The following RDX variants were observed in gnomAD, a reference collection of about 807,000 sequenced individuals.
RDX encodes the protein deafness, autosomal recessive 24.
In RDX, 32 loss-of-function variants were observed where a neutral mutation model predicts 83.7. The ratio of observed to expected loss-of-function variants is 0.38; its 90% confidence interval spans 0.29 to 0.51. The LOEUF is 0.51. Ranked by LOEUF, RDX falls within the 20% of genes least tolerant of loss-of-function variation. The pLI, the probability that RDX is intolerant of heterozygous loss-of-function variation, is 0.87. For synonymous variants in RDX, 229 were observed against 222.7 expected (o/e 1.03, Z -0.25); for missense variants, 600 against 689.9 (o/e 0.87, Z 1.46).
At chr11:110,273,075 T>C in intron 2 of RDX, 1 of 456,122 alleles carries the variant, frequency 2.2e-6, no homozygotes, top group Non-Finnish European at 4.4e-6. Flanking sequence ...AAAAATTAGT[T>C]GGGTGTGGTG....
intron 10 of RDX, among the ~76,000 whole-genome samples, chr11:110,240,812 T>C (rs1048329942): frequency 4.0e-5 from 6 of 150,676 alleles, no homozygotes; most frequent in African/African-American, 1.5e-4. Context: ...CCAGCACTTT[T>C]GGGAGGCCGA....
At chr11:110,198,238 T>C (rs1271787401) in intron 15 of RDX, among the ~76,000 whole-genome samples, 1 of 151,826 alleles carries the variant, frequency 6.6e-6, no homozygotes, top group Non-Finnish European at 1.5e-5. Context: ...ATAAACAACA[T>C]TGTTGTGGTT....
chr11:110,222,012 A>G (rs893073414), intron 14 of RDX, among the ~76,000 whole-genome samples: 3 of 56,168 alleles, frequency 5.3e-5, no homozygotes, highest in African/African-American at 1.1e-4. Flanking sequence ...ATGCAAATGT[A>G]TATTATGTCT....
At chr11:110,238,305 T>C (rs1401572160) in intron 10 of RDX, among the ~76,000 whole-genome samples, 1 of 152,248 alleles carries the variant, frequency 6.6e-6, no homozygotes, top group Non-Finnish European at 1.5e-5. Context: ...TGAATTTTAA[T>C]CCTTAGGTGC....
At chr11:110,246,541 G>A (rs993913015) in intron 10 of RDX, among the ~76,000 whole-genome samples, 6 of 152,058 alleles carry the variant, frequency 3.9e-5, no homozygotes, top group African/African-American at 1.4e-4. Flanking sequence ...TCAGGAGGCC[G>A]ACGCGGGTGG....
intron 15 of RDX, among the ~76,000 whole-genome samples, chr11:110,193,524 T>A (rs1225460180): frequency 7.2e-6 from 1 of 139,542 alleles, no homozygotes; most frequent in African/African-American, 2.7e-5. Context: ...CTAAAATAAA[T>A]CTTGAAATTA....
intron 10 of RDX, among the ~76,000 whole-genome samples, chr11:110,245,504 G>C (rs1859070382): frequency 6.6e-6 from 1 of 151,986 alleles, no homozygotes; most frequent in South Asian, 2.1e-4. Context: ...TTCCATTTTA[G>C]AAATTAGGAT....
At chr11:110,290,374 T>C (rs566198180) in intron 1 of RDX, among the ~76,000 whole-genome samples, 6 of 151,878 alleles carry the variant, frequency 4.0e-5, no homozygotes, top group African/African-American at 1.2e-4. Context: ...AAGCCGGGAG[T>C]GGTGGCAAGC....
chr11:110,203,940 G>T (rs937942567), intron 14 of RDX, among the ~76,000 whole-genome samples: 1 of 152,144 alleles, frequency 6.6e-6, no homozygotes, highest in Non-Finnish European at 1.5e-5. Flanking sequence ...TATTCAGGGG[G>T]CTGAGGTGGG....
Position 110,233,257 on chromosome 11 carries a change from G to A in RDX, c.1567C>T (p.Arg523Cys), listed in dbSNP as rs763861122. Residue 523 changes from arginine (R) to cysteine (C), a missense_variant, in exon 13 of 14, where the codon CGT (arginine) becomes TGT (cysteine). By Grantham distance (180) the Arg-to-Cys change is radical. Transcript: ENST00000645495. ...ERVTETQKNERVKKQLQALSS... is the reference protein window; with the variant it reads ...ERVTETQKNECVKKQLQALSS... ...AATACCTGAAGTTGCTTCTTAACAC[G>A]CTCATTTTTCTGTGTTTCGGTTACA... The A allele has an allele frequency of 6.8e-6, 11 of 1,613,152 alleles. No individual in the cohort carries two copies. The highest frequency in any genetic ancestry group is 1.7e-5 in the Admixed American group (1 of 59,992).
chr11:110,294,176 C>T (rs1244795085), intron 1 of RDX, among the ~76,000 whole-genome samples: 1 of 152,218 alleles, frequency 6.6e-6, no homozygotes, highest in Non-Finnish European at 1.5e-5. Context: ...GGCAGAACGC[C>T]GGAGGTCCAG....
intron 1 of RDX, among the ~76,000 whole-genome samples, chr11:110,289,973 A>AAAAAAAC (rs1861161121): frequency 6.7e-6 from 1 of 148,204 alleles, no homozygotes; most frequent in African/African-American, 2.5e-5. Flanking sequence ...AAAAAAAAAA[A>AAAAAAAC]AAAAAAAAAC....
At chr11:110,222,751 G>GC (rs1565299723) in intron 14 of RDX, among the ~76,000 whole-genome samples, 1 of 152,086 alleles carries the variant, frequency 6.6e-6, no homozygotes, top group Admixed American at 6.5e-5. Flanking sequence ...AGCCGAGATC[G>GC]CTCCACTGCA....
Position 110,258,130 on chromosome 11 carries a change from T to C in RDX, c.527A>G (p.His176Arg), listed in dbSNP as rs770966763. Residue 176 changes from histidine to arginine, a missense_variant, in exon 6 of 14, where the codon CAT becomes CGT. Transcript: ENST00000645495. Reference protein sequence around the residue: ...EQWEERIQNWHEEHRGMLRED... With the variant: ...EQWEERIQNWREEHRGMLRED... ...CCTTAACATTCCTCTATGTTCTTCA[T>C]GCCAGTTCTGTATTCTTTCTTCCCA... is the stretch of plus-strand genomic sequence containing the variant. The C allele has an allele frequency of 7.4e-6, 12 of 1,611,270 alleles. No individual in the cohort carries two copies. Among genetic ancestry groups the C allele is most frequent in the South Asian group, 2.2e-5 (2 of 90,802 alleles).
rs1369155832 is a variant in RDX at position 110,242,792 on chromosome 11, G to A, written c.1090+4911C>T. Among the ~76,000 whole-genome samples the A allele has an allele frequency of 2.0e-5, 3 of 151,466 alleles. No homozygotes were observed. In the East Asian group the frequency reaches 5.8e-4, roughly 29 times the overall value. ...ATATAGCCCATAAATGGTTTCTGCT[G>A]TTTCCTCTCCAATTAACTGAGTTAA... On this transcript the variant is annotated intron_variant, in intron 10 of 13. Coordinates refer to ENST00000645495, the MANE Select transcript of RDX (RefSeq NM_002906.4).
At chr11:110,227,963 A>C (rs1276674703), downstream of RDX, among the ~76,000 whole-genome samples, 2 of 152,140 alleles carry the variant, frequency 1.3e-5, no homozygotes, top group African/African-American at 4.8e-5. Context: ...GGGAAATCAA[A>C]GTATTGATGA....
At chr11:110,254,891 G>T (rs541164258) in intron 8 of RDX, among the ~76,000 whole-genome samples, 1 of 152,162 alleles carries the variant, frequency 6.6e-6, no homozygotes, top group South Asian at 2.1e-4. Flanking sequence ...TAAGTTCAAG[G>T]CTTCAAGTTA....
At chr11:110,282,447 T>C (rs1860800928) in intron 1 of RDX, among the ~76,000 whole-genome samples, 1 of 152,114 alleles carries the variant, frequency 6.6e-6, no homozygotes. Flanking sequence ...ACTAATTTCA[T>C]TTGTGGAAAT....
At chr11:110,214,828 C>G (rs1863972831) in intron 14 of RDX, among the ~76,000 whole-genome samples, 1 of 91,324 alleles carries the variant, frequency 1.1e-5, no homozygotes, top group African/African-American at 4.4e-5. Context: ...ATATCACACT[C>G]TGGGGACTGT....
Sources: gnomAD v4.1 joint callset for allele counts (sites outside exome capture counted in the v4.1 genomes callset) on GRCh38, gnomAD v4.1.1 for gene constraint, MANE v1.5 for transcripts, NCBI Gene and HGNC (gene_info 2026-07-23, HGNC 2026-07-21) for gene names.